PDS5A: variants seen among roughly 807,000 people sequenced by gnomAD.
The protein encoded by PDS5A is sister chromatid cohesion protein PDS5 homolog A.
A neutral mutation model predicts 167.1 loss-of-function variants in PDS5A; 42 were observed. The observed-to-expected ratio is 0.25, with a 90% CI of 0.20 to 0.33. The LOEUF (loss-of-function observed/expected upper bound fraction) is 0.33. Among genes scored for constraint, PDS5A ranks in the 10% least tolerant of loss-of-function variants. The pLI, the probability that PDS5A is intolerant of heterozygous loss-of-function variation, is 1.00. For synonymous variants in PDS5A, 553 were observed against 554.6 expected (o/e 1.00, Z 0.04); for missense variants, 1,033 against 1,605.9 (o/e 0.64, Z 6.10).
intron 17 of PDS5A, among the ~76,000 whole-genome samples, chr4:39,888,712 T>C (rs1435130670): frequency 6.6e-6 from 1 of 150,570 alleles, no homozygotes; most frequent in African/African-American, 2.4e-5. Flanking sequence ...AAATATTGCA[T>C]ATTCGCAGTC....
At chr4:39,954,963 C>A (rs2109794664) in intron 2 of PDS5A, among the ~76,000 whole-genome samples, 1 of 151,904 alleles carries the variant, frequency 6.6e-6, no homozygotes, top group Non-Finnish European at 1.5e-5. Flanking sequence ...TGGCTTGAAC[C>A]CAGGAGGTGG....
At position 39,973,851 on chromosome 4, in the gene PDS5A, C is replaced by T. The variant is rs763994888; in HGVS notation, c.138+2589G>A. ...CTCAGAACCGTGCTGCAAGACCGGG[C>T]GCGGTGGCTCACGCCTGTAATCCCA... is the stretch of plus-strand genomic sequence containing the variant. On this transcript the variant is annotated intron_variant, in intron 2 of 32. Transcript: ENST00000303538. The T allele has an allele frequency of 2.2e-5, 20 of 929,278 alleles. 1 individual carries two copies. Among genetic ancestry groups the T allele is most frequent in the African/African-American group, 3.2e-5 (2 of 61,770 alleles). The allele number at this position is 929,278 out of a possible 1,614,324, so 57.6% of individuals were successfully genotyped here.
intron 11 of PDS5A, among the ~76,000 whole-genome samples, chr4:39,904,409 G>A (rs1276882326): frequency 2.0e-5 from 3 of 152,148 alleles, no homozygotes; most frequent in African/African-American, 4.8e-5. Context: ...CAGGATCTTG[G>A]CTCACTGCAA....
chr4:39,849,312 G>T (rs531464699), intron 27 of PDS5A, among the ~76,000 whole-genome samples: 1 of 152,002 alleles, frequency 6.6e-6, no homozygotes, highest in East Asian at 1.9e-4. Flanking sequence ...CTTGCTCTAA[G>T]GTTATAATGT....
At chr4:39,858,888 C>T (rs1246993679) in intron 26 of PDS5A, among the ~76,000 whole-genome samples, 1 of 152,056 alleles carries the variant, frequency 6.6e-6, no homozygotes, top group Non-Finnish European at 1.5e-5. Flanking sequence ...GCTGAAAACA[C>T]AGTAAAAAAT....
At chr4:39,901,175 A>G (rs1292793407) in intron 13 of PDS5A, among the ~76,000 whole-genome samples, 1 of 152,142 alleles carries the variant, frequency 6.6e-6, no homozygotes, top group Non-Finnish European at 1.5e-5. Flanking sequence ...CAAACATCAA[A>G]ACCTTAAGCA....
rs552078770 is a variant in PDS5A, at chr4:39,857,367, A to G, written c.3086+4852T>C. Among the ~76,000 whole-genome samples, 15 of 151,572 alleles carry G rather than the reference A, an allele frequency of 9.9e-5. No homozygotes were observed. The South Asian group carries it at 3.1e-3, about 31-fold the overall frequency. ...ACTCCATCTCAAAAAAAAAAAAAAA[A>G]AGGAAAGAAATAGCTAAAAACTTTT... On this transcript the variant is annotated intron_variant, in intron 26 of 32. Coordinates refer to ENST00000303538, the MANE Select transcript of PDS5A (RefSeq NM_001100399.2).
At chr4:39,970,720 G>A (rs1383948073) in intron 2 of PDS5A, among the ~76,000 whole-genome samples, 5 of 151,070 alleles carry the variant, frequency 3.3e-5, no homozygotes, top group Non-Finnish European at 7.4e-5. Flanking sequence ...GAAGTAAGAG[G>A]AGGTTCCAGA....
At chr4:39,896,119 T>C (rs1217624806) in intron 16 of PDS5A, among the ~76,000 whole-genome samples, 2 of 151,622 alleles carry the variant, frequency 1.3e-5, no homozygotes, top group Non-Finnish European at 2.9e-5. Flanking sequence ...CATAGCTCAC[T>C]GTAGGCTTAA....
intron 11 of PDS5A, among the ~76,000 whole-genome samples, chr4:39,907,688 G>T (rs1472130574): frequency 6.6e-6 from 1 of 151,472 alleles, no homozygotes; most frequent in Non-Finnish European, 1.5e-5. Flanking sequence ...CCGGGTTCAC[G>T]CCATTCTCCT....
intron 26 of PDS5A, among the ~76,000 whole-genome samples, chr4:39,856,360 T>C (rs1015083550): frequency 6.6e-6 from 1 of 152,186 alleles, no homozygotes; most frequent in Non-Finnish European, 1.5e-5. Flanking sequence ...TTATGAGAAA[T>C]GCTAAAGTGA....
intron 2 of PDS5A, among the ~76,000 whole-genome samples, chr4:39,930,246 A>AAATT: frequency 4.3e-5 from 4 of 93,090 alleles, no homozygotes; most frequent in Non-Finnish European, 6.7e-5. Context: ...AAAAAAAAAA[A>AAATT]GTTTTTTTGT....
chr4:39,839,287 G>A (rs765920789), intron 31 of PDS5A, among the ~76,000 whole-genome samples: 6 of 151,744 alleles, frequency 4.0e-5, no homozygotes, highest in Non-Finnish European at 7.4e-5. Context: ...AAAATGTAAC[G>A]TCGGGCGGGC....
chr4:39,839,757 G>C (rs1175300507), intron 31 of PDS5A, among the ~76,000 whole-genome samples: 1 of 44,776 alleles, frequency 2.2e-5, no homozygotes, highest in Non-Finnish European at 8.6e-5. Context: ...ATGATTCTGG[G>C]GGGGGGGGGC....
At chr4:39,936,029 C>T (rs908583065) in intron 2 of PDS5A, among the ~76,000 whole-genome samples, 5 of 152,050 alleles carry the variant, frequency 3.3e-5, no homozygotes, top group South Asian at 2.1e-4. Flanking sequence ...TTCTAATTCG[C>T]GATAAAAGGA....
At chr4:39,869,565 A>G (rs189549584) in intron 21 of PDS5A, 103 bp from the exon 22 acceptor site, 2 of 731,228 alleles carry the variant, frequency 2.7e-6, no homozygotes, top group East Asian at 5.0e-5. Flanking sequence ...TGAGAAACCT[A>G]CGGGAACATC....
chr4:39,929,757 T>A (rs528839892), intron 2 of PDS5A, among the ~76,000 whole-genome samples: 26 of 150,606 alleles, frequency 1.7e-4, no homozygotes, highest in East Asian at 5.8e-4. Context: ...TATTATTATT[T>A]TTTTTTGAGA....
At position 39,877,072 on chromosome 4, in the gene PDS5A, C is replaced by T. The variant is rs185644408; in HGVS notation, c.2074G>A (p.Asp692Asn). ...SLLQCLRMED[D>N]KVAEAAIQIF... ...TGAATAGCAGCTTCTGCTACCTTGT[C>T]ATCCTCCATTCTTAGGCACTGTAAC... is the stretch of plus-strand genomic sequence containing the variant. Residue 692 changes from aspartate to asparagine, a missense_variant, in exon 19 of 33, where the codon GAC (aspartate) becomes AAC (asparagine). Asp to Asn is a conservative substitution (Grantham distance 23, BLOSUM62 1). Coordinates refer to ENST00000303538, the MANE Select transcript of PDS5A (RefSeq NM_001100399.2). The T allele has an allele frequency of 2.0e-5, 32 of 1,608,224 alleles. No homozygotes were observed. In the East Asian group the frequency reaches 5.4e-4, roughly 27 times the overall value.
rs1416066804 is a variant in PDS5A at position 39,930,248 on chromosome 4, TTTTTTTG to T, written c.139-2091_139-2085del. Reference sequence around the variant, plus strand: ...AAAAAAAAAAAAAAAAAAAAAAAAGTTTTTTTGTTTTTTGTTTTTTTTTTTTAAGAGA... The same window carrying T: ...AAAAAAAAAAAAAAAAAAAAAAAAGTTTTTTTGTTTTTTTTTTTTAAGAGA... On this transcript the variant is annotated intron_variant, in intron 2 of 32. Coordinates refer to ENST00000303538, the MANE Select transcript of PDS5A (RefSeq NM_001100399.2). Among the ~76,000 whole-genome samples, 12 of 70,744 alleles carry T rather than the reference TTTTTTTG, an allele frequency of 1.7e-4. No individual in the cohort carries two copies. In the East Asian group the frequency reaches 1.9e-3, roughly 11 times the overall value. The allele number at this position is 70,744 out of a possible 152,430, so 46.4% of individuals were successfully genotyped here.
Sources: allele counts gnomAD v4.1 joint callset (sites outside exome capture counted in the v4.1 genomes callset), GRCh38; gene constraint gnomAD v4.1.1; transcripts MANE v1.5; gene names NCBI Gene and HGNC (gene_info 2026-07-23, HGNC 2026-07-21).